The following OSBPL10 variants were observed in gnomAD, a reference collection of about 807,000 sequenced individuals.
OSBPL10 encodes oxysterol binding protein like 10, also known as oxysterol-binding protein-related protein 10.
A neutral mutation model predicts 81.7 loss-of-function variants in OSBPL10; 49 were observed. The ratio of observed to expected loss-of-function variants is 0.60; its 90% CI spans 0.48 to 0.76. The LOEUF (loss-of-function observed/expected upper bound fraction) is 0.76, where lower values mean the gene tolerates loss of function less well. Among genes scored for constraint, OSBPL10 ranks in the 30% least tolerant of loss-of-function variants. The pLI, the probability that OSBPL10 is intolerant of heterozygous loss-of-function variation, is 0.00. For synonymous variants in OSBPL10, 419 were observed against 383.6 expected (o/e 1.09, Z -1.08); for missense variants, 923 against 987.8 (o/e 0.93, Z 0.88).
intron 4 of OSBPL10, among the ~76,000 whole-genome samples, chr3:31,753,890 T>G (rs1201992083): frequency 6.6e-6 from 1 of 152,170 alleles, no homozygotes; most frequent in Non-Finnish European, 1.5e-5. Flanking sequence ...GGAGGTGGTG[T>G]TCTTCCTCAC....
At chr3:31,875,156 G>A (rs1026398094) in intron 3 of OSBPL10, among the ~76,000 whole-genome samples, 33 of 148,676 alleles carry the variant, frequency 2.2e-4, no homozygotes, top group African/African-American at 7.4e-4. Context: ...TATTTACGTA[G>A]ATACAGTTAT....
chr3:31,671,375 G>A (rs1464219516), intron 8 of OSBPL10, among the ~76,000 whole-genome samples: 1 of 152,148 alleles, frequency 6.6e-6, no homozygotes, highest in African/African-American at 2.4e-5. Flanking sequence ...TCTGGGCAGG[G>A]GGAAGAGCAT....
intron 5 of OSBPL10, among the ~76,000 whole-genome samples, chr3:31,739,764 C>T (rs916144209): frequency 1.3e-5 from 2 of 152,196 alleles, no homozygotes; most frequent in Non-Finnish European, 2.9e-5. Context: ...AATTTTTGTT[C>T]TTTAAGCCAC....
At chr3:31,958,745 T>G (rs1181402419) in intron 1 of OSBPL10, among the ~76,000 whole-genome samples, 1 of 152,096 alleles carries the variant, frequency 6.6e-6, no homozygotes, top group Non-Finnish European at 1.5e-5. Context: ...GCCTCTAAAC[T>G]AGAGAACAGG....
rs576076122 is a variant in OSBPL10, at chr3:31,868,328, A to G, written c.537+8105T>C. ...TGCAAGCTGTTAGAGATGAATTGGC[A>G]CTAAGAATACATTTGCAGTGAGGAT... On this transcript the variant is annotated intron_variant, in intron 3 of 11. Transcript: ENST00000396556. Among the ~76,000 whole-genome samples, 5 of 152,338 alleles carry G rather than the reference A, an allele frequency of 3.3e-5. No individual in the cohort carries two copies. In the South Asian group the frequency reaches 1.0e-3, roughly 32 times the overall value.
At position 31,878,806 on chromosome 3, in the gene OSBPL10, TGC is replaced by T. The variant is rs201444574; in HGVS notation, c.457+847_457+848del. On this transcript the variant is annotated intron_variant, in intron 2 of 11. Transcript: ENST00000396556. ...AGGACTTGATAAATAATATAGACTC[TGC>T]GTGTCCATGTGTGTGTGTGTGTGTG... Among the ~76,000 whole-genome samples, 633 of 111,024 alleles carry T rather than the reference TGC, an allele frequency of 5.7e-3. 24 individuals are homozygous for T. In the East Asian group the frequency reaches 0.14, roughly 24 times the overall value. The allele number at this position is 111,024 out of a possible 152,430, so 72.8% of individuals were successfully genotyped here.
At chr3:31,958,606 T>C (rs1698072943) in intron 1 of OSBPL10, among the ~76,000 whole-genome samples, 1 of 152,192 alleles carries the variant, frequency 6.6e-6, no homozygotes, top group Non-Finnish European at 1.5e-5. Flanking sequence ...TTATGTCAAC[T>C]TTTCAATAAC....
At chr3:31,681,750 T>G (rs910616387) in intron 8 of OSBPL10, among the ~76,000 whole-genome samples, 1 of 152,208 alleles carries the variant, frequency 6.6e-6, no homozygotes, top group Non-Finnish European at 1.5e-5. Context: ...GACCTCTTAA[T>G]GCTGCTTAAT....
chr3:31,946,647 G>A (rs972078462), intron 1 of OSBPL10, among the ~76,000 whole-genome samples: 9 of 152,188 alleles, frequency 5.9e-5, no homozygotes, highest in African/African-American at 2.2e-4. Context: ...GAGGTGACAG[G>A]AAGCCTTTAT....
intron 1 of OSBPL10, among the ~76,000 whole-genome samples, chr3:32,060,033 T>C (rs1228409583): frequency 1.3e-5 from 2 of 152,050 alleles, no homozygotes; most frequent in Admixed American, 6.6e-5. Flanking sequence ...TGTGATCTGG[T>C]TGGTGGTTAC....
chr3:31,678,782 C>CTGTGTGTG (rs67616509), intron 8 of OSBPL10, among the ~76,000 whole-genome samples: 3,803 of 135,546 alleles, frequency 0.028, 85 homozygotes, highest in East Asian at 0.058. Context: ...CAGATTCAAA[C>CTGTGTGTG]TGTGTGTGTG....
intron 1 of OSBPL10, among the ~76,000 whole-genome samples, chr3:31,940,693 C>T (rs1310173561): frequency 5.9e-5 from 9 of 152,018 alleles, no homozygotes; most frequent in African/African-American, 1.9e-4. Flanking sequence ...CTCCTTCACC[C>T]CTGGCCTCTC....
intron 6 of OSBPL10, among the ~76,000 whole-genome samples, chr3:31,706,574 C>T (rs1696071548): frequency 6.6e-6 from 1 of 152,022 alleles, no homozygotes; most frequent in Non-Finnish European, 1.5e-5. Flanking sequence ...TGGGGCTATG[C>T]CACCGAGGCC....
At chr3:31,857,540 G>A (rs926154053) in intron 3 of OSBPL10, among the ~76,000 whole-genome samples, 4 of 151,706 alleles carry the variant, frequency 2.6e-5, no homozygotes, top group African/African-American at 4.8e-5. Context: ...ACAGCACTCA[G>A]CAAAAGAGCC....
chr3:31,782,035 C>T (rs1038734371), intron 4 of OSBPL10, among the ~76,000 whole-genome samples: 4 of 152,184 alleles, frequency 2.6e-5, no homozygotes, highest in Admixed American at 6.5e-5. Flanking sequence ...AGAGGCATCA[C>T]ATTACCTGAC....
intron 2 of OSBPL10, among the ~76,000 whole-genome samples, chr3:32,019,681 A>T (rs914614772): frequency 3.9e-5 from 6 of 152,224 alleles, no homozygotes; most frequent in East Asian, 1.9e-4. Context: ...GAATTTTTTT[A>T]AAAAAGATTC....
chr3:32,025,892 A>T (rs533483265), intron 2 of OSBPL10, among the ~76,000 whole-genome samples: 1 of 152,090 alleles, frequency 6.6e-6, no homozygotes, highest in African/African-American at 2.4e-5. Flanking sequence ...TATCCGCTGC[A>T]CACACACACA....
chr3:31,756,949 T>C (rs1245489921), intron 4 of OSBPL10, among the ~76,000 whole-genome samples: 1 of 152,228 alleles, frequency 6.6e-6, no homozygotes, highest in Non-Finnish European at 1.5e-5. Flanking sequence ...GGCTTCTGAA[T>C]GTATCACTGT....
intron 7 of OSBPL10, among the ~76,000 whole-genome samples, chr3:31,693,284 G>A (rs1695610829): frequency 6.6e-6 from 1 of 152,122 alleles, no homozygotes; most frequent in Non-Finnish European, 1.5e-5. Context: ...GCACAGCAAT[G>A]TTAATCTTTG....
Sources: gnomAD v4.1 joint callset for allele counts (sites outside exome capture counted in the v4.1 genomes callset) on GRCh38, gnomAD v4.1.1 for gene constraint, MANE v1.5 for transcripts, NCBI Gene and HGNC (gene_info 2026-07-23, HGNC 2026-07-21) for gene names.